ERBB4: variants seen among roughly 807,000 people sequenced by gnomAD.
ERBB4 encodes the protein receptor tyrosine-protein kinase erbB-4.
Under a neutral mutation model 158.0 loss-of-function variants are expected in ERBB4, and 42 were observed. The ratio of observed to expected loss-of-function variants is 0.27; its 90% CI spans 0.21 to 0.34. The LOEUF (loss-of-function observed/expected upper bound fraction) is 0.34, where lower values mean the gene tolerates loss of function less well. Among genes scored for constraint, ERBB4 ranks in the 10% least tolerant of loss-of-function variants. The probability of loss-of-function intolerance (pLI) is 1.00; values close to 1 mark genes in which losing one functional copy is unlikely to be tolerated. For missense variants in ERBB4, 1,333 were observed against 1,624.1 expected (o/e 0.82, Z 3.08); for synonymous variants, 583 against 558.7 (o/e 1.04, Z -0.61).
intron 12 of ERBB4, among the ~76,000 whole-genome samples, chr2:211,695,415 T>C (rs1193565326): frequency 6.6e-6 from 1 of 152,184 alleles, no homozygotes; most frequent in East Asian, 1.9e-4. Flanking sequence ...ATATTCCCCA[T>C]CACCAGATAT....
intron 20 of ERBB4, among the ~76,000 whole-genome samples, chr2:211,550,923 C>T (rs979918308): frequency 6.6e-6 from 1 of 150,936 alleles, no homozygotes; most frequent in Non-Finnish European, 1.5e-5. Flanking sequence ...GCAAGAATTC[C>T]ATTATTAGGT....
At position 211,995,264 on chromosome 2, in the gene ERBB4, C is replaced by G. The variant is rs561059239; in HGVS notation, c.235-47648G>C. On this transcript the variant is annotated intron_variant, in intron 2 of 27. Transcript: ENST00000342788. ...ATTTTTCTGTGCTCTATGAAAAACC[C>G]TGAGTTAAAATAACTGTCCTGGCTA... Among the ~76,000 whole-genome samples the G allele has an allele frequency of 3.9e-5, 6 of 152,208 alleles. No homozygotes were observed. The South Asian group carries it at 1.2e-3, about 32-fold the overall frequency.
chr2:211,719,141 A>T (rs1158805389), intron 7 of ERBB4, among the ~76,000 whole-genome samples: 1 of 152,336 alleles, frequency 6.6e-6, no homozygotes, highest in East Asian at 1.9e-4. Context: ...CAGTGAGCCC[A>T]TAACACATTT....
At chr2:211,460,772 G>A (rs1266823827) in intron 20 of ERBB4, among the ~76,000 whole-genome samples, 1 of 151,886 alleles carries the variant, frequency 6.6e-6, no homozygotes, top group Non-Finnish European at 1.5e-5. Context: ...AAAAATCAAT[G>A]TTTATTAAAT....
intron 16 of ERBB4, among the ~76,000 whole-genome samples, chr2:211,650,681 A>G (rs1230188191): frequency 6.6e-6 from 1 of 152,162 alleles, no homozygotes; most frequent in Non-Finnish European, 1.5e-5. Context: ...GGGCTGGAGC[A>G]GTGCAGTCCA....
intron 2 of ERBB4, among the ~76,000 whole-genome samples, chr2:212,031,790 A>G (rs1216786774): frequency 2.0e-5 from 3 of 152,146 alleles, no homozygotes; most frequent in African/African-American, 7.2e-5. Flanking sequence ...GATATGTATC[A>G]CAAAATTTTT....
intron 1 of ERBB4, among the ~76,000 whole-genome samples, chr2:212,223,427 AT>A (rs61444594): frequency 0.5 from 65,889 of 130,764 alleles, 15,303 homozygotes; most frequent in East Asian, 0.77. Flanking sequence ...ATATATATAT[AT>A]TTTTTTTATT....
At chr2:212,351,962 T>A (rs2089271944) in intron 1 of ERBB4, among the ~76,000 whole-genome samples, 1 of 152,134 alleles carries the variant, frequency 6.6e-6, no homozygotes, top group African/African-American at 2.4e-5. Context: ...GTGATACATA[T>A]ACACTGTGGA....
intron 21 of ERBB4, among the ~76,000 whole-genome samples, chr2:211,429,800 T>C (rs1054244600): frequency 5.9e-5 from 9 of 152,188 alleles, no homozygotes; most frequent in African/African-American, 2.2e-4. Context: ...GACATTGTGT[T>C]AAAGAAGTAA....
At chr2:211,439,340 A>G (rs1433887099) in intron 20 of ERBB4, among the ~76,000 whole-genome samples, 2 of 152,116 alleles carry the variant, frequency 1.3e-5, no homozygotes, top group Non-Finnish European at 2.9e-5. Context: ...GTTGGTTTTT[A>G]AAGTGCCTCC....
intron 2 of ERBB4, among the ~76,000 whole-genome samples, chr2:212,089,894 G>A (rs2078722677): frequency 6.6e-6 from 1 of 152,096 alleles, no homozygotes; most frequent in Admixed American, 6.6e-5. Flanking sequence ...TATTTTAATT[G>A]TTCTGAAATC....
In ERBB4 at chr2:211,978,396, GTCTATCTATCTA is replaced by G. The variant is rs151243480; in HGVS notation, c.235-30792_235-30781del. 8.1e-4 allele frequency among the ~76,000 whole-genome samples: 111 copies of G among 136,648 alleles called. 1 individual carries two copies. Among genetic ancestry groups the G allele is most frequent in the African/African-American group, 1.9e-3 (68 of 35,272 alleles). 89.6% of individuals were successfully genotyped at this position (136,648 alleles called of 152,430 possible). On this transcript the variant is annotated intron_variant, in intron 2 of 27. Transcript: ENST00000342788. ...TGTCTGTCTGTCTGTCTGTCTGTCT[GTCTATCTATCTA>G]TCTATCTATCTATCTATCTATCTAT...
intron 1 of ERBB4, among the ~76,000 whole-genome samples, chr2:212,510,500 T>C (rs1691457290): frequency 6.6e-6 from 1 of 151,904 alleles, no homozygotes; most frequent in South Asian, 2.1e-4. Context: ...GGGTTTTCCA[T>C]AATCCAATGA....
intron 20 of ERBB4, among the ~76,000 whole-genome samples, chr2:211,523,749 T>C (rs915908015): frequency 6.6e-6 from 1 of 151,988 alleles, no homozygotes; most frequent in African/African-American, 2.4e-5. Flanking sequence ...CAGCAAGATT[T>C]ATTGCAAAGA....
intron 1 of ERBB4, among the ~76,000 whole-genome samples, chr2:212,239,361 T>C (rs1178147207): frequency 6.6e-6 from 1 of 152,216 alleles, no homozygotes; most frequent in Non-Finnish European, 1.5e-5. Context: ...TTTCTACACA[T>C]ACAAAAAGGA....
At chr2:212,503,064 C>G (rs111423415) in intron 1 of ERBB4, among the ~76,000 whole-genome samples, 1,891 of 152,262 alleles carry the variant, frequency 0.012, 41 homozygotes, top group African/African-American at 0.043. Context: ...TTCTTTTTCC[C>G]CCATTTGGCC....
intron 20 of ERBB4, among the ~76,000 whole-genome samples, chr2:211,461,945 G>A (rs560337092): frequency 2.0e-5 from 3 of 151,274 alleles, no homozygotes; most frequent in South Asian, 4.2e-4. Context: ...TAATTACGTC[G>A]GTGCAAAAGC....
intron 1 of ERBB4, among the ~76,000 whole-genome samples, chr2:212,474,819 A>ATTTTTTTTTTTTT (rs1295029698): frequency 2.8e-5 from 2 of 72,188 alleles, no homozygotes; most frequent in African/African-American, 1.9e-4. Flanking sequence ...ACACCCGGCC[A>ATTTTTTTTTTTTT]TTCTTTTTTT....
chr2:212,439,646 G>A (rs950787765), intron 1 of ERBB4, among the ~76,000 whole-genome samples: 1 of 152,066 alleles, frequency 6.6e-6, no homozygotes, highest in African/African-American at 2.4e-5. Flanking sequence ...GTATTATTAT[G>A]AAGAAAACAA....
Sources: allele counts gnomAD v4.1 joint callset (sites outside exome capture counted in the v4.1 genomes callset), GRCh38; gene constraint gnomAD v4.1.1; transcripts MANE v1.5; gene names NCBI Gene and HGNC (gene_info 2026-07-23, HGNC 2026-07-21).